Variants in MMS22L observed in about 807,000 individuals in gnomAD.
MMS22L encodes the protein protein MMS22-like.
A neutral mutation model predicts 159.1 loss-of-function variants in MMS22L; 74 were observed. The observed-to-expected ratio is 0.47, with a 90% CI of 0.39 to 0.56. The LOEUF (loss-of-function observed/expected upper bound fraction) is 0.56, where lower values mean the gene tolerates loss of function less well. Among genes scored for constraint, MMS22L ranks in the 20% least tolerant of loss-of-function variants. The pLI is 0.00. For missense variants in MMS22L, 1,351 were observed against 1,422.1 expected (o/e 0.95, Z 0.80); for synonymous variants, 517 against 506.9 (o/e 1.02, Z -0.27).
intron 7 of MMS22L, 21 bp downstream of exon 7, chr6:97,269,881 A>G (rs1815541698): frequency 6.4e-7 from 1 of 1,554,514 alleles, no homozygotes; most frequent in African/African-American, 1.4e-5. Context: ...AAGAATATAA[A>G]TCATAAATCC....
At chr6:97,269,570 G>A (rs1815505981) in intron 7 of MMS22L, among the ~76,000 whole-genome samples, 2 of 151,994 alleles carry the variant, frequency 1.3e-5, no homozygotes, top group African/African-American at 4.8e-5. Context: ...TAGAACTATA[G>A]GTACTAACAT....
At chr6:97,280,605 C>T (rs1343670956) in intron 3 of MMS22L, among the ~76,000 whole-genome samples, 2 of 152,080 alleles carry the variant, frequency 1.3e-5, no homozygotes, top group East Asian at 1.9e-4. Flanking sequence ...TGAGCCACCG[C>T]GCCTGGCCGT....
intron 21 of MMS22L, among the ~76,000 whole-genome samples, chr6:97,163,890 G>A (rs560656842): frequency 6.6e-6 from 1 of 152,148 alleles, no homozygotes; most frequent in African/African-American, 2.4e-5. Context: ...AATCTTATTA[G>A]GGGTTGTATG....
At chr6:97,248,210 A>G (rs571521930) in intron 10 of MMS22L, among the ~76,000 whole-genome samples, 36 of 152,226 alleles carry the variant, frequency 2.4e-4, no homozygotes, top group Non-Finnish European at 4.1e-4. Context: ...AACAGCACAT[A>G]TGATGAGAAA....
intron 10 of MMS22L, 87 bp downstream of exon 10, chr6:97,254,470 T>G: frequency 9.5e-7 from 1 of 1,057,826 alleles, no homozygotes; most frequent in Non-Finnish European, 1.4e-6. Flanking sequence ...TGACTTTTCT[T>G]GTTTCTGCTC....
intron 5 of MMS22L, 31 bp downstream of exon 5, chr6:97,272,944 C>T (rs753115169): frequency 6.2e-7 from 1 of 1,605,954 alleles, no homozygotes; most frequent in South Asian, 1.1e-5. Flanking sequence ...GAAATTCATG[C>T]AGTGATCAAA....
At chr6:97,280,117 G>A (rs1816626424) in intron 3 of MMS22L, among the ~76,000 whole-genome samples, 1 of 152,076 alleles carries the variant, frequency 6.6e-6, no homozygotes. Flanking sequence ...GTATGACATG[G>A]CGTAGATACA....
At chr6:97,257,806 G>A (rs1813989424) in intron 9 of MMS22L, among the ~76,000 whole-genome samples, 3 of 152,096 alleles carry the variant, frequency 2.0e-5, no homozygotes, top group African/African-American at 7.2e-5. Flanking sequence ...TGATTGCTTG[G>A]TTAAGGTAGT....
chr6:97,254,538 T>A lies in MMS22L; in HGVS notation c.1119+19A>T. 1 of 1,603,766 alleles carries A rather than the reference T, an allele frequency of 6.2e-7. No individual in the cohort carries two copies. The highest frequency in any genetic ancestry group is 8.5e-7 in the Non-Finnish European group (1 of 1,175,100). On this transcript the variant is annotated intron_variant, in intron 10 of 24. Coordinates refer to ENST00000683635, the MANE Select transcript of MMS22L (RefSeq NM_001350599.2). Reference sequence around the variant, plus strand: ...ATTAATTGACAATATAAGAAAGTTTTTAAAAAATGAAGTCTTACCATTTCA... The same window carrying A: ...ATTAATTGACAATATAAGAAAGTTTATAAAAAATGAAGTCTTACCATTTCA...
rs558420446 is a variant in MMS22L, at chr6:97,281,050, G to A, written c.290+187C>T. Among the ~76,000 whole-genome samples the A allele has an allele frequency of 8.5e-5, 13 of 152,146 alleles. No homozygotes were observed. In the South Asian group the frequency reaches 1.5e-3, roughly 17 times the overall value. On this transcript the variant is annotated intron_variant, in intron 3 of 24. Transcript: ENST00000683635. ...TGCAAAGAATAAAGATTCTGAAAAC[G>A]CAACTCATTAAAACCATTACTCATC...
rs757597792 is a variant in MMS22L, at chr6:97,229,097, C to T, written c.1836G>A (p.Glu612=). Residue 612 remains glutamate, a synonymous_variant, in exon 14 of 25, where the codon GAG becomes GAA. Coordinates refer to ENST00000683635, the MANE Select transcript of MMS22L (RefSeq NM_001350599.2). ...KAKEFLVSKN[E]EMVQRQTIWT... is the part of the protein sequence containing the mutation. ...AGATAGTCTGTCTCTGTACCATTTC[C>T]TCATTCTTAGACACCAAGAATTCCT... 1.2e-6 allele frequency: 2 copies of T among 1,614,112 alleles called. No individual in the cohort carries two copies. The highest frequency in any genetic ancestry group is 1.7e-5 in the Admixed American group (1 of 60,020).
rs200099923 is a variant in MMS22L, at chr6:97,269,200, T to TA, written c.697+701dup. Reference sequence around the variant, plus strand: ...TCACTAGTAACCAAGAAATTGCAGATAAAAAAAAGCCATTTCATTTTTCAC... The same window carrying TA: ...TCACTAGTAACCAAGAAATTGCAGATAAAAAAAAAGCCATTTCATTTTTCAC... On this transcript the variant is annotated intron_variant, in intron 7 of 24. Transcript: ENST00000683635. 3.1e-3 allele frequency among the ~76,000 whole-genome samples: 465 copies of TA among 151,648 alleles called. 2 individuals are homozygous for TA. The highest frequency in any genetic ancestry group is 0.01 in the African/African-American group (426 of 41,376).
At position 97,246,614 on chromosome 6, in the gene MMS22L, C is replaced by G. The variant is rs1370246883; in HGVS notation, c.1182+14G>C. 6.3e-7 allele frequency: 1 copy of G among 1,597,630 alleles called. No homozygotes were observed. Among genetic ancestry groups the G allele is most frequent in the South Asian group, 1.2e-5 (1 of 86,944 alleles). On this transcript the variant is annotated intron_variant, in intron 11 of 24. Coordinates refer to ENST00000683635, the MANE Select transcript of MMS22L (RefSeq NM_001350599.2). ...TAAGCAAAATCCACAAACTGTCTTACTTTAATTGCATACCTGAACACTGAT... is the reference window on the plus strand; with the variant it reads ...TAAGCAAAATCCACAAACTGTCTTAGTTTAATTGCATACCTGAACACTGAT...
Position 97,234,052 on chromosome 6 carries a change from G to A in MMS22L, c.1183-72C>T, listed in dbSNP as rs1412725955. 4.6e-6 allele frequency: 7 copies of A among 1,523,432 alleles called. No homozygotes were observed. The East Asian group carries it at 9.2e-5, about 20-fold the overall frequency. 94.4% of individuals were successfully genotyped at this position (1,523,432 alleles called of 1,614,324 possible). On this transcript the variant is annotated intron_variant, in intron 11 of 24. Transcript: ENST00000683635. ...TATAAACATTTTCACTTGATATTGTGCTGTATATAACCTGCAGCTAAAAAG... is the reference window on the plus strand; with the variant it reads ...TATAAACATTTTCACTTGATATTGTACTGTATATAACCTGCAGCTAAAAAG...
intron 10 of MMS22L, 156 bp downstream of exon 10, chr6:97,254,400 AT>A: frequency 1.6e-6 from 1 of 641,430 alleles, no homozygotes; most frequent in Non-Finnish European, 2.6e-6. Flanking sequence ...AAACTTTATA[AT>A]TTTTCAAGAT....
At chr6:97,214,381 A>G (rs1369972013) in intron 14 of MMS22L, among the ~76,000 whole-genome samples, 2 of 152,242 alleles carry the variant, frequency 1.3e-5, no homozygotes, top group African/African-American at 4.8e-5. Context: ...GATGTCATCA[A>G]TATGGAAAGT....
chr6:97,170,494 A>G (rs1351684896), intron 19 of MMS22L, among the ~76,000 whole-genome samples: 1 of 151,774 alleles, frequency 6.6e-6, no homozygotes, highest in Non-Finnish European at 1.5e-5. Context: ...CTATAAATAT[A>G]TTATTTATTA....
At chr6:97,148,615 TAAAG>T (rs1196228393) in intron 24 of MMS22L, among the ~76,000 whole-genome samples, 7 of 151,894 alleles carry the variant, frequency 4.6e-5, no homozygotes, top group South Asian at 2.1e-4. Flanking sequence ...TTCAAGAATA[TAAAG>T]AAAGAAAATA....
At chr6:97,182,949 C>T (rs948409994) in intron 15 of MMS22L, among the ~76,000 whole-genome samples, 5 of 152,112 alleles carry the variant, frequency 3.3e-5, no homozygotes, top group African/African-American at 1.2e-4. Flanking sequence ...AGCACTCCTG[C>T]CATAATCTTT....
Sources: gnomAD v4.1 joint callset for allele counts (sites outside exome capture counted in the v4.1 genomes callset) on GRCh38, gnomAD v4.1.1 for gene constraint, MANE v1.5 for transcripts, NCBI Gene and HGNC (gene_info 2026-07-23, HGNC 2026-07-21) for gene names.